DPEP1: variants seen among roughly 807,000 people sequenced by gnomAD.
DPEP1 encodes dipeptidase 1.
Under a neutral mutation model 42.3 loss-of-function variants are expected in DPEP1, and 50 were observed. The observed-to-expected ratio is 1.18, with a 90% CI of 0.94 to 1.50. DPEP1 has a LOEUF of 1.50. Among genes scored for constraint, DPEP1 ranks in the 40% most tolerant of loss-of-function variants. The pLI, the probability that DPEP1 is intolerant of heterozygous loss-of-function variation, is 0.00. For missense variants in DPEP1, 663 were observed against 553.0 expected (o/e 1.20, Z -1.99); for synonymous variants, 297 against 234.0 (o/e 1.27, Z -2.46).
intron 1 of DPEP1, among the ~76,000 whole-genome samples, chr16:89,618,856 T>G (rs1386500121): frequency 6.6e-6 from 1 of 151,906 alleles, no homozygotes; most frequent in Non-Finnish European, 1.5e-5. Context: ...TTTATTTTGC[T>G]CTTTACGTAC....
downstream of DPEP1, among the ~76,000 whole-genome samples, chr16:89,639,656 C>T (rs940508690): frequency 2.7e-4 from 41 of 151,694 alleles, no homozygotes; most frequent in African/African-American, 9.9e-4. Context: ...GGCTAAGGGC[C>T]CAGGAACCTG....
At chr16:89,634,093 T>TC (rs57560272) in intron 2 of DPEP1, among the ~76,000 whole-genome samples, 1 of 133,102 alleles carries the variant, frequency 7.5e-6, no homozygotes, top group African/African-American at 3.4e-5. Flanking sequence ...CTCTTCTTCT[T>TC]TTTTTTTTTT....
At position 89,622,922 on chromosome 16, in the gene DPEP1, C is replaced by T. The variant is rs531412661; in HGVS notation, c.-106-7383C>T. Among the ~76,000 whole-genome samples, 16 of 152,020 alleles carry T rather than the reference C, an allele frequency of 1.1e-4. No individual in the cohort carries two copies. The East Asian group carries it at 2.9e-3, about 28-fold the overall frequency. On this transcript the variant is annotated intron_variant, in intron 1 of 10. Coordinates refer to ENST00000690203, the MANE Select transcript of DPEP1 (RefSeq NM_001389466.1). ...CTAGGGGGCCTCACTGGGAACGTTC[C>T]AGGGTGTTCCAGCGAGAGACCAGGG...
chr16:89,639,346 C>T (rs1279441640), downstream of DPEP1, among the ~76,000 whole-genome samples: 3 of 29,072 alleles, frequency 1.0e-4, no homozygotes, highest in Admixed American at 3.0e-4. Flanking sequence ...TACCCCACCC[C>T]TGCACACACC....
chr16:89,624,784 C>T (rs1299937686), intron 1 of DPEP1, among the ~76,000 whole-genome samples: 2 of 152,112 alleles, frequency 1.3e-5, no homozygotes, highest in African/African-American at 2.4e-5. Flanking sequence ...ATACACCCGC[C>T]GCACTCTCCC....
At chr16:89,614,652 G>A (rs576149848) in intron 1 of DPEP1, among the ~76,000 whole-genome samples, 47 of 152,272 alleles carry the variant, frequency 3.1e-4, no homozygotes, top group Non-Finnish European at 5.6e-4. Context: ...AAAATTAGCC[G>A]GGCGTGGTGG....
At chr16:89,622,774 ACT>A (rs1468672343) in intron 1 of DPEP1, among the ~76,000 whole-genome samples, 2 of 146,530 alleles carry the variant, frequency 1.4e-5, no homozygotes, top group East Asian at 5.1e-4. Context: ...ACACAGTGAG[ACT>A]CTGTCTCAAA....
chr16:89,621,273 G>T (rs994107867), intron 1 of DPEP1, among the ~76,000 whole-genome samples: 1 of 151,494 alleles, frequency 6.6e-6, no homozygotes, highest in African/African-American at 2.4e-5. Context: ...GGCTGTGGGG[G>T]ATCAGAGTGG....
intron 1 of DPEP1, among the ~76,000 whole-genome samples, chr16:89,614,173 G>T (rs955686342): frequency 6.6e-6 from 1 of 152,108 alleles, no homozygotes; most frequent in African/African-American, 2.4e-5. Context: ...ACCCGCCGCT[G>T]TCCTCCCACT....
rs79068217 is a variant in DPEP1 at position 89,626,741 on chromosome 16, C to T, written c.-106-3564C>T. Among the ~76,000 whole-genome samples the T allele has an allele frequency of 0.025, 3,756 of 152,196 alleles. 686 individuals carry two copies. In the East Asian group the frequency reaches 0.51, roughly 21 times the overall value. ...TTAAGACATGCCTTGCCTCCCTTTG[C>T]CTTCGGCCATGATTGTAATTTTCCT... is the stretch of plus-strand genomic sequence containing the variant. On this transcript the variant is annotated intron_variant, in intron 1 of 10. Transcript: ENST00000690203.
intron 1 of DPEP1, chr16:89,616,941 C>T (rs1448718094): frequency 1.4e-5 from 3 of 210,518 alleles, no homozygotes; most frequent in South Asian, 4.6e-5. Context: ...TTTTACCGAG[C>T]GGCGTGACGG....
rs751119130 is a variant in DPEP1, at chr16:89,638,185, C to T, written c.1199C>T (p.Ser400Phe). Residue 400 changes from serine (S) to phenylalanine (F), a missense_variant, in exon 11 of 11, where the codon TCC (serine) becomes TTC (phenylalanine). Transcript: ENST00000690203. ...LHRHWGLLLA[S>F]LAPLVLCLSL... Reference sequence around the variant, plus strand: ...CGCCACTGGGGGCTCCTGCTGGCCTCCCTCGCTCCCCTGGTCCTCTGTCTG... The same window carrying T: ...CGCCACTGGGGGCTCCTGCTGGCCTTCCTCGCTCCCCTGGTCCTCTGTCTG... 1.3e-6 allele frequency: 2 copies of T among 1,594,810 alleles called. No individual in the cohort carries two copies. Among genetic ancestry groups the T allele is most frequent in the Non-Finnish European group, 1.7e-6 (2 of 1,168,924 alleles).
chr16:89,630,336 C>G lies in DPEP1; in HGVS notation c.-75C>G. Reference sequence around the variant, plus strand: ...TGGCTCCTCACAGCCTGAAGCTCATCCTTCTGCACGGGCCAGCCAGGCCAG... The same window carrying G: ...TGGCTCCTCACAGCCTGAAGCTCATGCTTCTGCACGGGCCAGCCAGGCCAG... On this transcript the variant is annotated 5_prime_UTR_variant, in exon 2 of 11. In the 5' UTR this introduces an upstream ATG that the reference lacks. Coordinates refer to ENST00000690203, the MANE Select transcript of DPEP1 (RefSeq NM_001389466.1). The G allele has an allele frequency of 7.9e-7, 1 of 1,263,794 alleles. No homozygotes were observed. Among genetic ancestry groups the G allele is most frequent in the Non-Finnish European group, 1.1e-6 (1 of 886,706 alleles). The allele number at this position is 1,263,794 out of a possible 1,614,324, so 78.3% of individuals were successfully genotyped here.
intron 1 of DPEP1, among the ~76,000 whole-genome samples, chr16:89,627,860 A>G (rs2059536275): frequency 6.6e-6 from 1 of 151,558 alleles, no homozygotes; most frequent in Admixed American, 6.6e-5. Flanking sequence ...GGGTTTCACC[A>G]TGTTGGTCAG....
Position 89,637,290 on chromosome 16 carries a change from G to A in DPEP1, c.678G>A (p.Leu226=), listed in dbSNP as rs1202287720. The A allele has an allele frequency of 6.2e-7, 1 of 1,612,700 alleles. No individual in the cohort carries two copies. Residue 226 remains leucine (L), a synonymous_variant, in exon 7 of 11, where the codon CTG becomes CTA. Transcript: ENST00000690203. ...CCACCATGAAGGCCACCCTGCAGCT[G>A]TCCAGAGCCCCGGTCATCTTCAGCC... ...SVATMKATLQ[L]SRAPVIFSHS...
chr16:89,614,712 G>A (rs749326288), intron 1 of DPEP1, among the ~76,000 whole-genome samples: 9 of 152,178 alleles, frequency 5.9e-5, no homozygotes, highest in South Asian at 4.1e-4. Flanking sequence ...GGAGAATGGC[G>A]TGAACCCGGG....
chr16:89,637,015 C>T (rs975030841), intron 6 of DPEP1, 80 bp downstream of exon 6: 18 of 1,574,182 alleles, frequency 1.1e-5, no homozygotes, highest in South Asian at 2.3e-5. Flanking sequence ...TGCATCTCCT[C>T]ACGTGGGACC....
chr16:89,620,077 T>C (rs2059429967), intron 1 of DPEP1, among the ~76,000 whole-genome samples: 1 of 150,770 alleles, frequency 6.6e-6, no homozygotes, highest in African/African-American at 2.4e-5. Flanking sequence ...TCCAGCTCAG[T>C]GCGGTCCACA....
chr16:89,621,257 G>T (rs1375035231), intron 1 of DPEP1, among the ~76,000 whole-genome samples: 1 of 151,498 alleles, frequency 6.6e-6, no homozygotes, highest in African/African-American at 2.4e-5. Context: ...CCCTGGTGCA[G>T]ATGTGGGCTG....
Sources: allele counts gnomAD v4.1 joint callset (sites outside exome capture counted in the v4.1 genomes callset), GRCh38; gene constraint gnomAD v4.1.1; transcripts MANE v1.5; gene names NCBI Gene and HGNC (gene_info 2026-07-23, HGNC 2026-07-21).